The following PPP3CA variants were observed in gnomAD, a reference collection of about 807,000 sequenced individuals.
PPP3CA encodes protein phosphatase 3 catalytic subunit alpha.
Under a neutral mutation model 66.5 loss-of-function variants are expected in PPP3CA, and 14 were observed. The ratio of observed to expected loss-of-function variants is 0.21; its 90% CI spans 0.14 to 0.33. The LOEUF is 0.33. Among genes scored for constraint, PPP3CA ranks in the 10% least tolerant of loss-of-function variants. PPP3CA has a pLI of 1.00. For synonymous variants in PPP3CA, 232 were observed against 226.2 expected, an observed-to-expected ratio of 1.03 and a Z score of -0.23; for missense variants, 317 against 639.5, an observed-to-expected ratio of 0.50 and a Z score of 5.44.
intron 2 of PPP3CA, among the ~76,000 whole-genome samples, chr4:101,169,956 C>A (rs764075726): frequency 2.6e-5 from 4 of 152,122 alleles, no homozygotes; most frequent in Non-Finnish European, 5.9e-5. Flanking sequence ...TGAATTTAGG[C>A]AGCTAATTAT....
At chr4:101,149,335 T>C (rs1283690250) in intron 2 of PPP3CA, among the ~76,000 whole-genome samples, 1 of 152,142 alleles carries the variant, frequency 6.6e-6, no homozygotes, top group Non-Finnish European at 1.5e-5. Flanking sequence ...TTTAGACAAA[T>C]TATCCAGGTT....
intron 1 of PPP3CA, among the ~76,000 whole-genome samples, chr4:101,286,001 G>A (rs1727835851): frequency 6.6e-6 from 1 of 152,208 alleles, no homozygotes; most frequent in Admixed American, 6.5e-5. Flanking sequence ...CCGTTTTCGT[G>A]TAAGACAATT....
intron 1 of PPP3CA, among the ~76,000 whole-genome samples, chr4:101,261,203 A>G (rs1726999019): frequency 6.6e-6 from 1 of 152,146 alleles, no homozygotes; most frequent in African/African-American, 2.4e-5. Context: ...TAACTAAATC[A>G]TTTGACCAAG....
In PPP3CA at chr4:101,099,651, T is replaced by C; in HGVS notation, c.456A>G (p.Glu152=). Residue 152 remains glutamate (E), a synonymous_variant, in exon 4 of 14, where the codon GAA becomes GAG. Coordinates refer to ENST00000394854, the MANE Select transcript of PPP3CA (RefSeq NM_000944.5). ...TGAAATACTCTGTTAGATGTCTACA[T>C]TCATGATTTCCACGAAGTAAAAACA... ...KTLFLLRGNH[E]CRHLTEYFTF... is the part of the protein sequence containing the mutation. The C allele has an allele frequency of 6.3e-7, 1 of 1,596,856 alleles. No homozygotes were observed. Among genetic ancestry groups the C allele is most frequent in the Non-Finnish European group, 8.5e-7 (1 of 1,170,770 alleles).
At chr4:101,331,491 G>C (rs571733545) in intron 1 of PPP3CA, among the ~76,000 whole-genome samples, 5 of 152,288 alleles carry the variant, frequency 3.3e-5, no homozygotes, top group Non-Finnish European at 7.3e-5. Flanking sequence ...GCCCCTCAGA[G>C]ATTTCTCAGT....
At chr4:101,173,401 G>A (rs1192955513) in intron 2 of PPP3CA, among the ~76,000 whole-genome samples, 1 of 152,074 alleles carries the variant, frequency 6.6e-6, no homozygotes, top group Non-Finnish European at 1.5e-5. Context: ...AACTTTAGAG[G>A]GCTTTTTTTT....
At chr4:101,303,062 A>G (rs1728428104) in intron 1 of PPP3CA, among the ~76,000 whole-genome samples, 1 of 152,204 alleles carries the variant, frequency 6.6e-6, no homozygotes, top group African/African-American at 2.4e-5. Context: ...TTTCATCATC[A>G]AAAAGAGATT....
At chr4:101,157,866 C>CAAAAA (rs770632810) in intron 2 of PPP3CA, among the ~76,000 whole-genome samples, 9 of 48,848 alleles carry the variant, frequency 1.8e-4, no homozygotes, top group Non-Finnish European at 2.4e-4. Flanking sequence ...CCTTAGGAGG[C>CAAAAA]AAAAAAAAAA....
At chr4:101,293,998 T>C (rs1045806335) in intron 1 of PPP3CA, among the ~76,000 whole-genome samples, 9 of 152,268 alleles carry the variant, frequency 5.9e-5, no homozygotes, top group African/African-American at 2.2e-4. Context: ...AAAACCAATA[T>C]TTTCACATTT....
At chr4:101,179,111 A>G (rs967986896) in intron 2 of PPP3CA, among the ~76,000 whole-genome samples, 2 of 152,010 alleles carry the variant, frequency 1.3e-5, no homozygotes, top group Non-Finnish European at 2.9e-5. Context: ...TTCTTGAACT[A>G]TCTCTCGAAC....
intron 2 of PPP3CA, among the ~76,000 whole-genome samples, chr4:101,186,061 T>C (rs1028828746): frequency 1.3e-5 from 2 of 152,184 alleles, no homozygotes; most frequent in Admixed American, 1.3e-4. Context: ...CAATATTATA[T>C]TGTTTTGACG....
chr4:101,029,048 G>T, intron 13 of PPP3CA, 118 bp downstream of exon 13: 1 of 934,044 alleles, frequency 1.1e-6, no homozygotes, highest in Non-Finnish European at 1.7e-6. Context: ...TTAATACTGA[G>T]CCACAACTGT....
chr4:101,197,485 C>T (rs908498813), intron 1 of PPP3CA, among the ~76,000 whole-genome samples: 7 of 152,100 alleles, frequency 4.6e-5, no homozygotes, highest in Non-Finnish European at 8.8e-5. Flanking sequence ...AACCTGGGTG[C>T]GAACCTTGCA....
At chr4:101,346,672 G>A in intron 1 of PPP3CA, 67 bp downstream of exon 1, 2 of 1,412,966 alleles carry the variant, frequency 1.4e-6, no homozygotes, top group Non-Finnish European at 9.8e-7. Flanking sequence ...GGAAAGGCGA[G>A]GCGAGGCAAG....
chr4:101,244,261 C>G (rs1257892458), intron 1 of PPP3CA, among the ~76,000 whole-genome samples: 1 of 152,140 alleles, frequency 6.6e-6, no homozygotes, highest in Non-Finnish European at 1.5e-5. Flanking sequence ...ATATGCATGT[C>G]TTTATTCTCT....
intron 1 of PPP3CA, among the ~76,000 whole-genome samples, chr4:101,216,563 G>C (rs967522407): frequency 1.1e-4 from 17 of 151,936 alleles, no homozygotes; most frequent in African/African-American, 4.1e-4. Context: ...TCTTAAGACA[G>C]GGTGTCGCTC....
intron 10 of PPP3CA, among the ~76,000 whole-genome samples, chr4:101,046,996 A>C (rs938821936): frequency 6.6e-6 from 1 of 152,208 alleles, no homozygotes; most frequent in African/African-American, 2.4e-5. Context: ...ACAGATGACG[A>C]AAATTATGAA....
At chr4:101,170,325 C>A (rs1008448188) in intron 2 of PPP3CA, among the ~76,000 whole-genome samples, 1 of 151,988 alleles carries the variant, frequency 6.6e-6, no homozygotes. Context: ...GATCCAATGG[C>A]AGAATATACT....
intron 11 of PPP3CA, among the ~76,000 whole-genome samples, chr4:101,037,269 C>T (rs959882929): frequency 6.6e-6 from 1 of 152,198 alleles, no homozygotes; most frequent in Non-Finnish European, 1.5e-5. Context: ...CTTGCTGCTT[C>T]CTCATGATGC....
Sources: allele counts gnomAD v4.1 joint callset (sites outside exome capture counted in the v4.1 genomes callset), GRCh38; gene constraint gnomAD v4.1.1; transcripts MANE v1.5; gene names NCBI Gene and HGNC (gene_info 2026-07-23, HGNC 2026-07-21).